The following SIPA1L3 variants were observed in gnomAD, a reference collection of about 807,000 sequenced individuals.
SIPA1L3 encodes the protein signal-induced proliferation-associated 1-like protein 3.
A neutral mutation model predicts 150.1 loss-of-function variants in SIPA1L3; 59 were observed. That is an observed-to-expected ratio of 0.39 (90% CI 0.32 to 0.49). The LOEUF is 0.49. Ranked by LOEUF, SIPA1L3 falls within the 20% of genes least tolerant of loss-of-function variation. The pLI is 0.86. For missense variants in SIPA1L3, 2,211 were observed against 2,489.5 expected (o/e 0.89, Z 2.38); for synonymous variants, 1,070 against 1,077.6 (o/e 0.99, Z 0.14).
chr19:37,955,200 T>C (rs1256508323), intron 1 of SIPA1L3, among the ~76,000 whole-genome samples: 1 of 151,294 alleles, frequency 6.6e-6, no homozygotes, highest in East Asian at 1.9e-4. Context: ...GAGACCAGCC[T>C]GACCAACATG....
intron 12 of SIPA1L3, among the ~76,000 whole-genome samples, chr19:38,148,934 G>A (rs962791903): frequency 2.0e-5 from 3 of 152,172 alleles, no homozygotes; most frequent in Non-Finnish European, 4.4e-5. Context: ...CTCTTCTGCC[G>A]GGGATGTTTC....
chr19:37,965,425 C>T (rs1446559068), intron 1 of SIPA1L3, among the ~76,000 whole-genome samples: 1 of 151,090 alleles, frequency 6.6e-6, no homozygotes, highest in Non-Finnish European at 1.5e-5. Context: ...AAGCGATTCT[C>T]CTGCCTCAGC....
intron 1 of SIPA1L3, among the ~76,000 whole-genome samples, chr19:38,018,527 C>G (rs560881152): frequency 1.3e-5 from 2 of 152,298 alleles, no homozygotes; most frequent in South Asian, 4.1e-4. Flanking sequence ...AATCCATGGT[C>G]TTTTGTGACC....
chr19:37,985,004 C>G (rs1366592809), intron 1 of SIPA1L3, among the ~76,000 whole-genome samples: 1 of 152,098 alleles, frequency 6.6e-6, no homozygotes, highest in Non-Finnish European at 1.5e-5. Context: ...TCCTTGCTGT[C>G]CTGGAGTACA....
At chr19:38,077,309 G>A (rs748243125) in intron 2 of SIPA1L3, among the ~76,000 whole-genome samples, 1 of 152,018 alleles carries the variant, frequency 6.6e-6, no homozygotes, top group Non-Finnish European at 1.5e-5. Flanking sequence ...AAATTAGCTG[G>A]GCATGGTGAC....
rs8111558 is a variant in SIPA1L3 at position 38,197,766 on chromosome 19, A to G, written c.4841-623A>G. On this transcript the variant is annotated intron_variant, in intron 18 of 21. Transcript: ENST00000222345. ...GCTGCCCCTGAAAAGTAGGCCCAGA[A>G]TCTGCCCCTGTGTCCTATCACGGCC... 3.6e-3 allele frequency among the ~76,000 whole-genome samples: 544 copies of G among 152,134 alleles called. 3 individuals are homozygous for G. Among genetic ancestry groups the G allele is most frequent in the African/African-American group, 0.012 (514 of 41,494 alleles).
chr19:38,182,037 A>G (rs1972564512), intron 15 of SIPA1L3, among the ~76,000 whole-genome samples: 3 of 148,884 alleles, frequency 2.0e-5, no homozygotes, highest in African/African-American at 7.6e-5. Context: ...AGCTACTCGG[A>G]GGCTGAGGTG....
chr19:38,139,667 C>T (rs767885579), intron 10 of SIPA1L3, among the ~76,000 whole-genome samples: 1 of 152,154 alleles, frequency 6.6e-6, no homozygotes, highest in Non-Finnish European at 1.5e-5. Context: ...GGTGCCAGAG[C>T]GCATCCACCT....
chr19:38,093,501 C>T (rs1405856029), intron 4 of SIPA1L3, among the ~76,000 whole-genome samples: 1 of 152,144 alleles, frequency 6.6e-6, no homozygotes, highest in Non-Finnish European at 1.5e-5. Context: ...GGGGACCTGA[C>T]ACTTGACTGG....
chr19:37,938,529 G>T (rs908081491), intron 1 of SIPA1L3, among the ~76,000 whole-genome samples: 10 of 152,020 alleles, frequency 6.6e-5, no homozygotes, highest in African/African-American at 2.2e-4. Flanking sequence ...ATTTACCCCT[G>T]AAGACTAGTA....
chr19:38,080,888 C>T (rs1416599547), intron 2 of SIPA1L3, among the ~76,000 whole-genome samples: 2 of 151,402 alleles, frequency 1.3e-5, no homozygotes, highest in Non-Finnish European at 2.9e-5. Flanking sequence ...GAGAATCATT[C>T]GAACCTTCGA....
At position 38,092,063 on chromosome 19, in the gene SIPA1L3, C is replaced by CAA. The variant is rs58074748; in HGVS notation, c.1665+3227_1665+3228dup. Among the ~76,000 whole-genome samples, 326 of 96,914 alleles carry CAA rather than the reference C, an allele frequency of 3.4e-3. 2 individuals are homozygous for CAA. Among genetic ancestry groups the CAA allele is most frequent in the African/African-American group, 0.01 (289 of 28,654 alleles). 63.6% of individuals were successfully genotyped at this position (96,914 alleles called of 152,430 possible). A position where few individuals can be genotyped will look rare whatever the true frequency, so the allele number is the denominator to read the frequency against. Reference sequence around the variant, plus strand: ...TGGGTGACACAGTGAGACTCCATCTCAAAAAAAAAAAAAAAAGAAAATACA... The same window carrying CAA: ...TGGGTGACACAGTGAGACTCCATCTCAAAAAAAAAAAAAAAAAAGAAAATACA... On this transcript the variant is annotated intron_variant, in intron 4 of 21. Transcript: ENST00000222345.
chr19:38,116,260 AG>A (rs1161120390), intron 8 of SIPA1L3, among the ~76,000 whole-genome samples: 6 of 152,166 alleles, frequency 3.9e-5, no homozygotes, highest in Non-Finnish European at 8.8e-5. Context: ...CTGTAATCCC[AG>A]CACTTTGGAA....
chr19:37,908,572 C>T lies in SIPA1L3; in HGVS notation c.-379+1214C>T, dbSNP rs1405914972. 5.3e-5 allele frequency among the ~76,000 whole-genome samples: 8 copies of T among 151,128 alleles called. No individual in the cohort carries two copies. The East Asian group carries it at 1.4e-3, about 26-fold the overall frequency. ...CATGTTTAGTGCTTTGCACAAGGCC[C>T]GGCACACAGTAAGTGCTTATTAAAT... On this transcript the variant is annotated intron_variant, in intron 1 of 21. Transcript: ENST00000222345.
intron 1 of SIPA1L3, among the ~76,000 whole-genome samples, chr19:38,012,061 A>G (rs1179762285): frequency 1.3e-5 from 2 of 150,152 alleles, no homozygotes; most frequent in East Asian, 1.9e-4. Flanking sequence ...CCCAACATGC[A>G]TGAATGCACA....
chr19:38,149,987 A>G (rs778219127), intron 12 of SIPA1L3, among the ~76,000 whole-genome samples: 2 of 152,186 alleles, frequency 1.3e-5, no homozygotes, highest in Non-Finnish European at 2.9e-5. Flanking sequence ...AAAACTGAGT[A>G]AGTGCATCAA....
intron 1 of SIPA1L3, among the ~76,000 whole-genome samples, chr19:37,970,659 G>C (rs1966911689): frequency 6.6e-6 from 1 of 152,242 alleles, no homozygotes. Flanking sequence ...TCTCCTGCAG[G>C]ATGTGGAGGG....
chr19:38,196,815 C>T (rs566689009), intron 18 of SIPA1L3, among the ~76,000 whole-genome samples: 7 of 152,238 alleles, frequency 4.6e-5, no homozygotes, highest in South Asian at 2.1e-4. Context: ...GCCAAGGACT[C>T]GTTCATTCAG....
rs138646846 is a variant in SIPA1L3 at position 38,162,801 on chromosome 19, C to T, written c.3780+430C>T. The stretch of plus-strand genomic sequence containing the variant: ...CTGCTGTCCCTCAGAGGTTCCAAGC[C>T]CTCTGCTGGGTCCCTGCGTCTTTCC... On this transcript the variant is annotated intron_variant, in intron 14 of 21. Transcript: ENST00000222345. 6.2e-3 allele frequency among the ~76,000 whole-genome samples: 942 copies of T among 152,296 alleles called. 34 individuals are homozygous for T. In the South Asian group the frequency reaches 0.11, roughly 17 times the overall value.
Sources: gnomAD v4.1 joint callset for allele counts (sites outside exome capture counted in the v4.1 genomes callset) on GRCh38, gnomAD v4.1.1 for gene constraint, MANE v1.5 for transcripts, NCBI Gene and HGNC (gene_info 2026-07-23, HGNC 2026-07-21) for gene names.